The following SEMA6D variants were observed in gnomAD, a reference collection of about 807,000 sequenced individuals.
SEMA6D encodes the protein semaphorin-6D.
Under a neutral mutation model 106.6 loss-of-function variants are expected in SEMA6D, and 35 were observed. That is an observed-to-expected ratio of 0.33 (90% CI 0.25 to 0.44). The LOEUF is 0.44. SEMA6D is among the 20% of genes least tolerant of loss of function. The pLI is 1.00. For synonymous variants in SEMA6D, 499 were observed against 487.7 expected (o/e 1.02, Z -0.31); for missense variants, 1,185 against 1,345.9 (o/e 0.88, Z 1.87).
At chr15:47,509,195 G>A (rs559131348) in intron 3 of SEMA6D, among the ~76,000 whole-genome samples, 31 of 152,240 alleles carry the variant, frequency 2.0e-4, no homozygotes, top group African/African-American at 7.5e-4. Flanking sequence ...GATGAGTGAG[G>A]AAGCATTTGC....
rs149655392 is a variant in SEMA6D at position 47,209,702 on chromosome 15, C to T, written c.-239+25284C>T. Among the ~76,000 whole-genome samples, 788 of 152,266 alleles carry T rather than the reference C, an allele frequency of 5.2e-3. 6 individuals are homozygous for T. The highest frequency in any genetic ancestry group is 0.017 in the Middle Eastern group (5 of 294). On this transcript the variant is annotated intron_variant, in intron 1 of 19. Coordinates refer to the SEMA6D transcript ENST00000558014. ...GCTGAAATCATTCCCTGGTCCCCGT[C>T]GCCTCTCCAGGTCTGCTGTGTTGAT...
At chr15:47,737,008 G>C (rs762625940) in intron 1 of SEMA6D, among the ~76,000 whole-genome samples, 19 of 152,130 alleles carry the variant, frequency 1.2e-4, no homozygotes, top group Non-Finnish European at 2.5e-4. Context: ...CTAAAAATAG[G>C]AATTGCTGTT....
At chr15:47,508,854 T>G (rs1402026234) in intron 3 of SEMA6D, among the ~76,000 whole-genome samples, 1 of 152,246 alleles carries the variant, frequency 6.6e-6, no homozygotes, top group Non-Finnish European at 1.5e-5. Flanking sequence ...ATTTCTCATC[T>G]ATAAAACAGA....
chr15:47,222,838 G>A (rs1472065253), intron 1 of SEMA6D, among the ~76,000 whole-genome samples: 1 of 152,076 alleles, frequency 6.6e-6, no homozygotes, highest in Non-Finnish European at 1.5e-5. Flanking sequence ...ATTTATTTTA[G>A]TATTCTCAGG....
At chr15:47,250,151 G>C (rs1490440441) in intron 1 of SEMA6D, among the ~76,000 whole-genome samples, 1 of 151,990 alleles carries the variant, frequency 6.6e-6, no homozygotes, top group African/African-American at 2.4e-5. Flanking sequence ...TCTAACCTTC[G>C]CAAAAATCCT....
chr15:47,601,551 C>G (rs2076659311), intron 4 of SEMA6D, among the ~76,000 whole-genome samples: 1 of 152,162 alleles, frequency 6.6e-6, no homozygotes, highest in Non-Finnish European at 1.5e-5. Context: ...TTCTATGTTT[C>G]ATATGCTTCA....
chr15:47,275,326 G>A (rs2142350139), intron 1 of SEMA6D, among the ~76,000 whole-genome samples: 1 of 152,232 alleles, frequency 6.6e-6, no homozygotes, highest in East Asian at 1.9e-4. Context: ...GTCACTGTTA[G>A]TATAAGGATA....
At chr15:47,333,363 A>C (rs978756965) in intron 1 of SEMA6D, among the ~76,000 whole-genome samples, 2 of 152,186 alleles carry the variant, frequency 1.3e-5, no homozygotes, top group East Asian at 3.9e-4. Context: ...CTTGAAGAAA[A>C]ATTGTATGGA....
At chr15:47,698,954 A>G (rs1298002297) in intron 4 of SEMA6D, among the ~76,000 whole-genome samples, 2 of 152,210 alleles carry the variant, frequency 1.3e-5, no homozygotes, top group African/African-American at 4.8e-5. Flanking sequence ...TCTCCATTGT[A>G]TGATTCAATA....
intron 1 of SEMA6D, among the ~76,000 whole-genome samples, chr15:47,354,532 A>G (rs2144901403): frequency 6.7e-6 from 1 of 148,962 alleles, no homozygotes; most frequent in Non-Finnish European, 1.5e-5. Flanking sequence ...ATATATATAT[A>G]CACACATATA....
chr15:47,348,720 A>ACACAC (rs1567016662), intron 1 of SEMA6D, among the ~76,000 whole-genome samples: 6 of 24,668 alleles, frequency 2.4e-4, no homozygotes, highest in African/African-American at 5.4e-4. Flanking sequence ...CACACACACC[A>ACACAC]CACACACAGA....
intron 1 of SEMA6D, among the ~76,000 whole-genome samples, chr15:47,189,859 A>G (rs377410333): frequency 7.2e-5 from 11 of 152,356 alleles, no homozygotes; most frequent in African/African-American, 2.6e-4. Context: ...TGTGCTTCCA[A>G]TTATGATATA....
chr15:47,306,356 T>A (rs1016406686), intron 1 of SEMA6D, among the ~76,000 whole-genome samples: 2 of 152,204 alleles, frequency 1.3e-5, no homozygotes, highest in Non-Finnish European at 2.9e-5. Flanking sequence ...TCCTCTTTTA[T>A]AATGTTTTAA....
chr15:47,603,476 C>T (rs894150848), intron 4 of SEMA6D: 3 of 152,106 alleles, frequency 2.0e-5, no homozygotes, highest in African/African-American at 7.2e-5. Flanking sequence ...GAGAGCCGAG[C>T]TCAATTTTAT....
chr15:47,337,862 T>G (rs946554719), intron 1 of SEMA6D, among the ~76,000 whole-genome samples: 2 of 151,890 alleles, frequency 1.3e-5, no homozygotes, highest in African/African-American at 4.8e-5. Flanking sequence ...AAGGGAGGAG[T>G]ATAATGATAT....
chr15:47,454,396 G>A (rs902904599), intron 2 of SEMA6D, among the ~76,000 whole-genome samples: 2 of 151,874 alleles, frequency 1.3e-5, no homozygotes, highest in African/African-American at 2.4e-5. Flanking sequence ...TGCCACAAAT[G>A]TGTATTGAAC....
intron 3 of SEMA6D, among the ~76,000 whole-genome samples, chr15:47,506,601 C>T (rs1324713462): frequency 7.2e-6 from 1 of 138,948 alleles, no homozygotes; most frequent in African/African-American, 2.9e-5. Flanking sequence ...CACACACAAA[C>T]ACACACACAC....
Position 47,764,171 on chromosome 15 carries a change from C to T in SEMA6D, c.966-3C>T, listed in dbSNP as rs200646071. ...TCTTCCTGATGATTTTCTTCCTTTT[C>T]AGCATCCCTGGTTCTGCTGTCTGTG... On this transcript the variant is annotated splice_region_variant and splice_polypyrimidine_tract_variant and intron_variant, in intron 10 of 18. Transcript: ENST00000536845. 8.2e-5 allele frequency: 133 copies of T among 1,613,186 alleles called. No homozygotes were observed. In the African/African-American group the frequency reaches 1.6e-3, roughly 19 times the overall value.
rs67090828 is a variant in SEMA6D, at chr15:47,316,102, C to CTTTTTTTTTTTTTTTTTTTTTTTTTTT, written c.-238-96283_-238-96282insTTTTTTTTTTTTTTTTTTTTTTTTTTT. Among the ~76,000 whole-genome samples the CTTTTTTTTTTTTTTTTTTTTTTTTTTT allele has an allele frequency of 2.3e-4, 19 of 81,482 alleles. 3 individuals carry two copies. Among genetic ancestry groups the CTTTTTTTTTTTTTTTTTTTTTTTTTTT allele is most frequent in the African/African-American group, 3.9e-4 (6 of 15,582 alleles). The allele number at this position is 81,482 out of a possible 152,430, so 53.5% of individuals were successfully genotyped here. A position where few individuals can be genotyped will look rare whatever the true frequency, so the allele number is the denominator to read the frequency against. Reference sequence around the variant, plus strand: ...TCCCAATCAGTATGCCATTTATTTCCTTTTTTTTGAGACAGAATCTTGTTC... The same window carrying CTTTTTTTTTTTTTTTTTTTTTTTTTTT: ...TCCCAATCAGTATGCCATTTATTTCCTTTTTTTTTTTTTTTTTTTTTTTTTTTTTTTTTTTGAGACAGAATCTTGTTC... On this transcript the variant is annotated intron_variant, in intron 1 of 19. Coordinates refer to the SEMA6D transcript ENST00000558014.
Sources: gnomAD v4.1 joint callset for allele counts (sites outside exome capture counted in the v4.1 genomes callset) on GRCh38, gnomAD v4.1.1 for gene constraint, MANE v1.5 for transcripts, NCBI Gene and HGNC (gene_info 2026-07-23, HGNC 2026-07-21) for gene names.